AKT2: variants seen among roughly 807,000 people sequenced by gnomAD.
AKT2 encodes RAC-beta serine/threonine-protein kinase.
AKT2 carries 16 observed loss-of-function variants against 58.6 expected under a neutral mutation model. The observed-to-expected ratio is 0.27, with a 90% CI of 0.18 to 0.41. AKT2 has a LOEUF of 0.41. AKT2 is among the 10% of genes least tolerant of loss of function. The pLI is 1.00. For missense variants in AKT2, 438 were observed against 661.0 expected (o/e 0.66, Z 3.70); for synonymous variants, 253 against 254.0 (o/e 1.00, Z 0.04).
At chr19:40,240,233 A>G in intron 6 of AKT2, 123 bp from the exon 7 acceptor site, 1 of 1,076,196 alleles carries the variant, frequency 9.3e-7, no homozygotes, top group South Asian at 1.2e-5. Context: ...GCAGAAAATC[A>G]CAGGAGTGAA....
intron 1 of AKT2, chr19:40,282,690 C>G (rs982053638): frequency 5.5e-6 from 2 of 364,188 alleles, no homozygotes; most frequent in Non-Finnish European, 1.1e-5. Flanking sequence ...GGCTCAGTGA[C>G]CTGGGTTCAA....
chr19:40,231,337 A>C lies in AKT2; in HGVS notation c.*2535T>G, dbSNP rs1330413207. The C allele has an allele frequency of 4.3e-6, 1 of 232,802 alleles. No homozygotes were observed. Among genetic ancestry groups the C allele is most frequent in the African/African-American group, 2.2e-5 (1 of 45,328 alleles). The allele number at this position is 232,802 out of a possible 1,614,324, so 14.4% of individuals were successfully genotyped here. On this transcript the variant is annotated 3_prime_UTR_variant, in exon 14 of 14. Transcript: ENST00000392038. ...CGTGGGTCAACTCGGGGCTGGGACGAGATGGAAGAGTAAAAGGCCTTTCTT... is the reference window on the plus strand; with the variant it reads ...CGTGGGTCAACTCGGGGCTGGGACGCGATGGAAGAGTAAAAGGCCTTTCTT...
Position 40,233,058 on chromosome 19 carries a change from G to A in AKT2, c.*814C>T, listed in dbSNP as rs1973794937. The A allele has an allele frequency of 1.3e-5, 3 of 234,212 alleles. No homozygotes were observed. In the East Asian group the frequency reaches 1.8e-4, roughly 14 times the overall value. The allele number at this position is 234,212 out of a possible 1,614,324, so 14.5% of individuals were successfully genotyped here. ...GGGTGAGCCCAGCCCATAGCCCCCA[G>A]TGGGGCCAGGCCAGGCCCAGGGTCC... On this transcript the variant is annotated 3_prime_UTR_variant, in exon 14 of 14. Transcript: ENST00000392038. This position sits in a 1 kb window ranked among gnomAD's most constrained non-coding sequence, Gnocchi z 4.3.
chr19:40,264,489 G>C (rs570501769), intron 2 of AKT2, among the ~76,000 whole-genome samples: 1 of 152,086 alleles, frequency 6.6e-6, no homozygotes, highest in Non-Finnish European at 1.5e-5. Flanking sequence ...CTGCAGGCGC[G>C]ACACAGCTGG....
intron 2 of AKT2, among the ~76,000 whole-genome samples, chr19:40,258,352 T>A (rs898925825): frequency 4.7e-5 from 7 of 150,324 alleles, no homozygotes; most frequent in African/African-American, 1.7e-4. Flanking sequence ...GGATGAATCA[T>A]GTAGTACATC....
At chr19:40,276,343 A>ACCTTTTTTTT (rs1568573407) in intron 1 of AKT2, among the ~76,000 whole-genome samples, 1 of 98,856 alleles carries the variant, frequency 1.0e-5, no homozygotes. Flanking sequence ...GTAAAATGGA[A>ACCTTTTTTTT]TCTTTTTTTT....
chr19:40,240,165 C>T (rs193200414), intron 6 of AKT2, 55 bp from the exon 7 acceptor site: 87 of 1,560,012 alleles, frequency 5.6e-5, no homozygotes, highest in Non-Finnish European at 6.5e-5. Context: ...CTGCCCACTC[C>T]GCCCCGACGA....
chr19:40,276,294 C>T (rs554878603), intron 1 of AKT2, among the ~76,000 whole-genome samples: 1 of 147,642 alleles, frequency 6.8e-6, no homozygotes, highest in South Asian at 2.1e-4. Flanking sequence ...CACTTCCAGG[C>T]TACACAGGTC....
intron 1 of AKT2, among the ~76,000 whole-genome samples, chr19:40,278,100 T>A (rs1405295217): frequency 6.6e-6 from 1 of 152,208 alleles, no homozygotes; most frequent in Non-Finnish European, 1.5e-5. Flanking sequence ...TACTGAGGCC[T>A]ACTTTGTGCC....
At position 40,236,272 on chromosome 19, in the gene AKT2, C is replaced by T. The variant is rs150000674; in HGVS notation, c.945G>A (p.Glu315=). The stretch of plus-strand genomic sequence containing the variant: ...CCCCAGACACCTCAGGCGCCAGGTA[C>T]TCCGGGGTCCCACAGAAGGTTTTCA... ...ATMKTFCGTP[E]YLAPEVLEDN... is the part of the protein sequence containing the mutation. The change falls in exon 10 of 14, where the codon GAG becomes GAA. Residue 315 remains glutamate, a synonymous_variant. Coordinates refer to ENST00000392038, the MANE Select transcript of AKT2 (RefSeq NM_001626.6). 1.2e-3 allele frequency: 1,889 copies of T among 1,613,974 alleles called. 4 individuals are homozygous for T. The highest frequency in any genetic ancestry group is 7.5e-4 in the Non-Finnish European group (884 of 1,180,028).
In AKT2 at chr19:40,259,194, G is replaced by A. The variant is rs188357178; in HGVS notation, c.47-2140C>T. 1.2e-3 allele frequency among the ~76,000 whole-genome samples: 179 copies of A among 152,122 alleles called. 1 individual carries two copies. The highest frequency in any genetic ancestry group is 1.8e-3 in the Non-Finnish European group (119 of 67,994). Reference sequence around the variant, plus strand: ...CAAAGAGACTATATTTTTTCAAAACGAAAGAAAAGAAACCTAGAAGAAAAA... The same window carrying A: ...CAAAGAGACTATATTTTTTCAAAACAAAAGAAAAGAAACCTAGAAGAAAAA... On this transcript the variant is annotated intron_variant, in intron 2 of 13. Transcript: ENST00000392038.
At chr19:40,244,319 C>T (rs557801651) in intron 4 of AKT2, 2 of 151,818 alleles carry the variant, frequency 1.3e-5, no homozygotes, top group Admixed American at 1.3e-4. Context: ...GGGCACATGC[C>T]TGTGGTCTCA....
At position 40,241,778 on chromosome 19, in the gene AKT2, C is replaced by T. The variant is rs1232267934; in HGVS notation, c.573+160G>A. On this transcript the variant is annotated intron_variant, in intron 6 of 13. Transcript: ENST00000392038. ...GACTCAGCAGCAAGGCCTGCTGCTC[C>T]TCTCTGGGCCTCAGGCTCCCCCTTT... The T allele has an allele frequency of 4.5e-6, 5 of 1,114,530 alleles. No individual in the cohort carries two copies. The African/African-American group carries it at 7.8e-5, about 17-fold the overall frequency. The allele number at this position is 1,114,530 out of a possible 1,614,324, so 69.0% of individuals were successfully genotyped here.
chr19:40,271,412 G>A (rs1320137135), intron 1 of AKT2, among the ~76,000 whole-genome samples: 6 of 133,312 alleles, frequency 4.5e-5, no homozygotes, highest in African/African-American at 1.8e-4. Context: ...GGGTGACAAA[G>A]CCAGACCCTG....
At chr19:40,277,385 G>T (rs1347844170) in intron 1 of AKT2, among the ~76,000 whole-genome samples, 2 of 152,128 alleles carry the variant, frequency 1.3e-5, no homozygotes, top group African/African-American at 4.8e-5. Flanking sequence ...TGAGAAGCTG[G>T]GCTCTAGGGC....
At chr19:40,240,316 G>C (rs761219653) in intron 6 of AKT2, 2 of 752,284 alleles carry the variant, frequency 2.7e-6, no homozygotes, top group Admixed American at 3.8e-5. Context: ...AAAGCCACAG[G>C]TGAAAAGTCA....
chr19:40,281,396 G>T (rs953791391), intron 1 of AKT2, among the ~76,000 whole-genome samples: 2 of 152,192 alleles, frequency 1.3e-5, no homozygotes, highest in African/African-American at 4.8e-5. Context: ...AGAGGATGAG[G>T]TGGAAGGATC....
At chr19:40,257,604 C>CAG (rs1975634120) in intron 2 of AKT2, among the ~76,000 whole-genome samples, 1 of 151,738 alleles carries the variant, frequency 6.6e-6, no homozygotes, top group Admixed American at 6.6e-5. Flanking sequence ...CACACACACA[C>CAG]ACACACACAC....
chr19:40,277,419 G>C (rs2077347008), intron 1 of AKT2, among the ~76,000 whole-genome samples: 1 of 152,158 alleles, frequency 6.6e-6, no homozygotes, highest in Non-Finnish European at 1.5e-5. Flanking sequence ...AGCAGAATAT[G>C]GTCTGCTTTC....
Sources: allele counts gnomAD v4.1 joint callset (sites outside exome capture counted in the v4.1 genomes callset), GRCh38; gene constraint gnomAD v4.1.1; non-coding constraint Gnocchi (gnomAD v3.1); transcripts MANE v1.5; gene names NCBI Gene and HGNC (gene_info 2026-07-23, HGNC 2026-07-21).